KLHDC4: variants seen among roughly 807,000 people sequenced by gnomAD.
KLHDC4 encodes the protein kelch domain containing 4, also known as kelch domain-containing protein 4.
In KLHDC4, 90 loss-of-function variants were observed where a neutral mutation model predicts 62.4. The observed-to-expected ratio is 1.44, with a 90% CI of 1.22 to 1.72. The LOEUF (loss-of-function observed/expected upper bound fraction) is 1.72. Among genes scored for constraint, KLHDC4 ranks in the 40% most tolerant of loss-of-function variants. KLHDC4 has a pLI of 0.00. For missense variants in KLHDC4, 1,025 were observed against 699.7 expected, an observed-to-expected ratio of 1.47 and a Z score of -5.25; for synonymous variants, 386 against 284.4, an observed-to-expected ratio of 1.36 and a Z score of -3.59.
intron 5 of KLHDC4, among the ~76,000 whole-genome samples, chr16:87,745,496 G>A (rs2042906764): frequency 6.6e-6 from 1 of 152,246 alleles, no homozygotes; most frequent in Admixed American, 6.5e-5. Context: ...TTTCCCTGTG[G>A]CATCATCTTC....
chr16:87,718,186 CCT>C (rs879689622), intron 7 of KLHDC4, among the ~76,000 whole-genome samples: 39 of 152,292 alleles, frequency 2.6e-4, no homozygotes, highest in Admixed American at 2.5e-3. Context: ...GCCTTGTTGC[CCT>C]CTGTTTTTCT....
chr16:87,701,109 T>C (rs2034124036), exon 1 of KLHDC4: 2 of 177,416 alleles, frequency 1.1e-5, no homozygotes, highest in South Asian at 2.2e-4. Context: ...ATGTGCCCCC[T>C]GCCTTGAAAA....
At chr16:87,723,072 G>T (rs1323492547) in intron 7 of KLHDC4, among the ~76,000 whole-genome samples, 1 of 152,188 alleles carries the variant, frequency 6.6e-6, no homozygotes, top group Non-Finnish European at 1.5e-5. Context: ...GGGTGTAATG[G>T]CGCCAGAGCA....
At chr16:87,711,079 A>C in intron 9 of KLHDC4, 156 bp downstream of exon 9, 1 of 674,024 alleles carries the variant, frequency 1.5e-6, no homozygotes, top group South Asian at 1.8e-5. Flanking sequence ...AAGCCTAGTC[A>C]CCCAGGACAG....
chr16:87,704,265 G>A (rs192392662), downstream of KLHDC4, among the ~76,000 whole-genome samples: 40 of 149,136 alleles, frequency 2.7e-4, no homozygotes, highest in African/African-American at 9.6e-4. Flanking sequence ...GGTCCTGAAC[G>A]TCACGGGGAA....
chr16:87,755,392 G>A, intron 3 of KLHDC4, 100 bp from the exon 4 acceptor site: 2 of 682,750 alleles, frequency 2.9e-6, no homozygotes, highest in Non-Finnish European at 2.6e-6. Flanking sequence ...AAACTGACAT[G>A]CTAAAGGAAT....
intron 2 of KLHDC4, 86 bp downstream of exon 2, chr16:87,761,863 T>C (rs1401848651): frequency 3.1e-6 from 4 of 1,299,280 alleles, no homozygotes; most frequent in Non-Finnish European, 3.3e-6. Context: ...TGCCTGGTCA[T>C]TTACGAAACC....
At chr16:87,764,365 C>G (rs1280945175) in intron 1 of KLHDC4, among the ~76,000 whole-genome samples, 2 of 151,978 alleles carry the variant, frequency 1.3e-5, no homozygotes, top group Non-Finnish European at 2.9e-5. Flanking sequence ...TGACAGGTAA[C>G]TGGCGGGGCA....
intron 5 of KLHDC4, chr16:87,747,842 G>C (rs975380628): frequency 6.6e-6 from 1 of 152,300 alleles, no homozygotes; most frequent in Admixed American, 6.5e-5. Flanking sequence ...GCTCCAGGGA[G>C]CGCCGCTGCC....
In KLHDC4 at chr16:87,708,085, A is replaced by G. The variant is rs777793646; in HGVS notation, c.*2-10T>C. On this transcript the variant is annotated splice_polypyrimidine_tract_variant and intron_variant, in intron 11 of 11. Coordinates refer to ENST00000270583, the MANE Select transcript of KLHDC4 (RefSeq NM_017566.4). ...CCTGGCAGGGGCTCTTCTGATACGCAAGGAGGAAGGAATGAGAGAGAAACA... is the reference window on the plus strand; with the variant it reads ...CCTGGCAGGGGCTCTTCTGATACGCGAGGAGGAAGGAATGAGAGAGAAACA... 1.0e-5 allele frequency: 6 copies of G among 599,246 alleles called. No homozygotes were observed. The highest frequency in any genetic ancestry group is 7.3e-5 in the African/African-American group (4 of 54,722). The allele number at this position is 599,246 out of a possible 1,614,324, so 37.1% of individuals were successfully genotyped here.
At chr16:87,730,360 C>T (rs554750849) in intron 6 of KLHDC4, among the ~76,000 whole-genome samples, 192 bp downstream of exon 6, 5 of 152,366 alleles carry the variant, frequency 3.3e-5, no homozygotes, top group South Asian at 4.1e-4. Context: ...AATAGGAATA[C>T]AGCATGAAGC....
chr16:87,713,876 C>T (rs374795096), intron 8 of KLHDC4, among the ~76,000 whole-genome samples: 1 of 152,072 alleles, frequency 6.6e-6, no homozygotes, highest in Non-Finnish European at 1.5e-5. Flanking sequence ...CCCAGTTTAG[C>T]TAAAAGCTTT....
chr16:87,711,135 G>C lies in KLHDC4; in HGVS notation c.1044+100C>G, dbSNP rs566146588. The C allele has an allele frequency of 5.9e-5, 72 of 1,224,338 alleles. No individual in the cohort carries two copies. In the African/African-American group the frequency reaches 8.3e-4, roughly 14 times the overall value. The allele number at this position is 1,224,338 out of a possible 1,614,324, so 75.8% of individuals were successfully genotyped here. On this transcript the variant is annotated intron_variant, in intron 9 of 11. Coordinates refer to ENST00000270583, the MANE Select transcript of KLHDC4 (RefSeq NM_017566.4). ...CCTCTTGAGAGAGCTCATGGGCTTT[G>C]GGGGCCCCAATACCAAAAGGTGCTG...
chr16:87,742,225 G>A (rs1208973202), intron 5 of KLHDC4, among the ~76,000 whole-genome samples: 1 of 152,106 alleles, frequency 6.6e-6, no homozygotes, highest in African/African-American at 2.4e-5. Context: ...CCGCAGCCCA[G>A]CCCATGAAAT....
chr16:87,724,433 C>A (rs1255041407), intron 7 of KLHDC4, among the ~76,000 whole-genome samples: 2 of 152,152 alleles, frequency 1.3e-5, no homozygotes, highest in African/African-American at 4.8e-5. Flanking sequence ...ACCAGCCAAG[C>A]CACTACTGGG....
In KLHDC4 at chr16:87,708,043, A is replaced by C; in HGVS notation, c.*34T>G. 1 of 528,134 alleles carries C rather than the reference A, an allele frequency of 1.9e-6. No homozygotes were observed. Among genetic ancestry groups the C allele is most frequent in the Non-Finnish European group, 3.7e-6 (1 of 273,708 alleles). The allele number at this position is 528,134 out of a possible 1,614,324, so 32.7% of individuals were successfully genotyped here. On this transcript the variant is annotated 3_prime_UTR_variant, in exon 12 of 12. Coordinates refer to ENST00000270583, the MANE Select transcript of KLHDC4 (RefSeq NM_017566.4). ...CTGGGTCCTGGGCGGACGTGGGCACAGCACTTGCCAGGCGCCCCTGGCAGG... is the reference window on the plus strand; with the variant it reads ...CTGGGTCCTGGGCGGACGTGGGCACCGCACTTGCCAGGCGCCCCTGGCAGG...
chr16:87,719,962 C>A lies in KLHDC4; in HGVS notation c.760-5389G>T, dbSNP rs145726363. ...CCCCCACCTCCCGCACAATGTAGTACAGGCCACCTAGCTTAGCCTGCAGCC... is the reference window on the plus strand; with the variant it reads ...CCCCCACCTCCCGCACAATGTAGTAAAGGCCACCTAGCTTAGCCTGCAGCC... On this transcript the variant is annotated intron_variant, in intron 7 of 11. Transcript: ENST00000270583. Among the ~76,000 whole-genome samples, 844 of 152,320 alleles carry A rather than the reference C, an allele frequency of 5.5e-3. 8 individuals are homozygous for A. Among genetic ancestry groups the A allele is most frequent in the African/African-American group, 0.019 (785 of 41,564 alleles).
chr16:87,714,551 T>TTG lies in KLHDC4; in HGVS notation c.780_781dup (p.Lys261ThrfsTer12). 6.2e-7 allele frequency: 1 copy of TTG among 1,614,178 alleles called. No homozygotes were observed. The highest frequency in any genetic ancestry group is 8.5e-7 in the Non-Finnish European group (1 of 1,180,024). On this transcript the variant is annotated frameshift_variant, in exon 8 of 12. Coordinates refer to ENST00000270583, the MANE Select transcript of KLHDC4 (RefSeq NM_017566.4). LOFTEE classifies it high-confidence loss of function. ...GAACATGTCTGAGTGCCGTGTGCCC[T>TTG]TGTCCACGTCTTTCTTAACTCTCTG...
intron 7 of KLHDC4, among the ~76,000 whole-genome samples, chr16:87,722,359 G>A (rs1029786062): frequency 1.3e-5 from 2 of 152,138 alleles, no homozygotes; most frequent in South Asian, 4.1e-4. Context: ...GTTACAGGAG[G>A]AGGAAGGAGG....
Sources: allele counts gnomAD v4.1 joint callset (sites outside exome capture counted in the v4.1 genomes callset), GRCh38; gene constraint gnomAD v4.1.1; transcripts MANE v1.5; gene names NCBI Gene and HGNC (gene_info 2026-07-23, HGNC 2026-07-21).